The following CYSLTR2 variants were observed in gnomAD, a reference collection of about 807,000 sequenced individuals.
CYSLTR2 encodes cysteinyl leukotriene receptor 2.
For missense variants in CYSLTR2, 398 were observed against 411.9 expected (o/e 0.97, Z 0.29); for synonymous variants, 179 against 160.8 (o/e 1.11, Z -0.86).
intron 1 of CYSLTR2, among the ~76,000 whole-genome samples, chr13:48,671,220 G>A (rs894428819): frequency 2.0e-5 from 3 of 152,112 alleles, no homozygotes; most frequent in East Asian, 1.9e-4. Flanking sequence ...TGTCATCTGC[G>A]AACAGAAACA....
chr13:48,668,715 G>C (rs1953334969), intron 1 of CYSLTR2, among the ~76,000 whole-genome samples: 1 of 151,882 alleles, frequency 6.6e-6, no homozygotes, highest in South Asian at 2.1e-4. Context: ...CCATCAACCT[G>C]TCATCTACAT....
At chr13:48,684,007 C>T (rs1953829864) in intron 1 of CYSLTR2, among the ~76,000 whole-genome samples, 2 of 152,212 alleles carry the variant, frequency 1.3e-5, no homozygotes, top group Non-Finnish European at 2.9e-5. Flanking sequence ...CCACCTCAAA[C>T]TCCTGGGCTC....
At chr13:48,702,112 G>A (rs1954365120) in intron 4 of CYSLTR2, among the ~76,000 whole-genome samples, 1 of 152,038 alleles carries the variant, frequency 6.6e-6, no homozygotes, top group Admixed American at 6.5e-5. Context: ...TCCTTTGTAG[G>A]GACATGAATG....
At chr13:48,679,699 T>C (rs910750063) in intron 1 of CYSLTR2, among the ~76,000 whole-genome samples, 4 of 152,172 alleles carry the variant, frequency 2.6e-5, no homozygotes, top group Admixed American at 2.6e-4. Context: ...GCAGTACAAC[T>C]CACTGTTGCT....
chr13:48,704,057 A>G (rs1473166373), intron 4 of CYSLTR2, among the ~76,000 whole-genome samples: 3 of 152,304 alleles, frequency 2.0e-5, no homozygotes, highest in African/African-American at 7.2e-5. Context: ...TGCCTCAGGT[A>G]TCTATCGATA....
intron 4 of CYSLTR2, among the ~76,000 whole-genome samples, chr13:48,699,491 A>G (rs933567848): frequency 1.3e-5 from 2 of 152,228 alleles, no homozygotes; most frequent in African/African-American, 4.8e-5. Flanking sequence ...GACACAACAC[A>G]CCAGAATCTC....
intron 1 of CYSLTR2, among the ~76,000 whole-genome samples, chr13:48,683,260 G>A (rs1219580383): frequency 6.6e-6 from 1 of 152,184 alleles, no homozygotes; most frequent in Non-Finnish European, 1.5e-5. Context: ...TGGAATTGCT[G>A]GGTCAAATGG....
intron 4 of CYSLTR2, among the ~76,000 whole-genome samples, chr13:48,698,845 A>G (rs1169061268): frequency 2.0e-5 from 3 of 152,124 alleles, no homozygotes; most frequent in African/African-American, 7.2e-5. Flanking sequence ...AGCAAATGGA[A>G]AACAAAAAAA....
chr13:48,705,548 G>A (rs1477230811), intron 4 of CYSLTR2, among the ~76,000 whole-genome samples: 3 of 149,848 alleles, frequency 2.0e-5, no homozygotes, highest in Non-Finnish European at 4.4e-5. Context: ...ATGTTTTTGA[G>A]TGTATCCCTT....
At chr13:48,683,014 A>T (rs1278059526) in intron 1 of CYSLTR2, among the ~76,000 whole-genome samples, 1 of 152,174 alleles carries the variant, frequency 6.6e-6, no homozygotes, top group Non-Finnish European at 1.5e-5. Context: ...TTTGCTAAGG[A>T]TAATGGCCCC....
chr13:48,661,745 G>A (rs1339563895), intron 1 of CYSLTR2, among the ~76,000 whole-genome samples: 2 of 152,152 alleles, frequency 1.3e-5, no homozygotes, highest in Non-Finnish European at 2.9e-5. Flanking sequence ...AATAATAATT[G>A]CATATTCATG....
At chr13:48,673,669 T>A (rs1445063586) in intron 1 of CYSLTR2, among the ~76,000 whole-genome samples, 1 of 152,152 alleles carries the variant, frequency 6.6e-6, no homozygotes, top group Non-Finnish European at 1.5e-5. Context: ...GTTATTATGA[T>A]GCCAGCTGGT....
chr13:48,666,207 T>G (rs1210821661), intron 1 of CYSLTR2, among the ~76,000 whole-genome samples: 1 of 152,146 alleles, frequency 6.6e-6, no homozygotes, highest in Non-Finnish European at 1.5e-5. Context: ...TCTTTTGGTA[T>G]GTTGAATTTA....
At chr13:48,670,123 T>C (rs541939796) in intron 1 of CYSLTR2, among the ~76,000 whole-genome samples, 2 of 152,252 alleles carry the variant, frequency 1.3e-5, no homozygotes, top group African/African-American at 4.8e-5. Flanking sequence ...TTTGATGGGG[T>C]TTTTTGTTTT....
chr13:48,681,767 G>A (rs1002045614), intron 1 of CYSLTR2, among the ~76,000 whole-genome samples: 2 of 152,144 alleles, frequency 1.3e-5, no homozygotes, highest in African/African-American at 4.8e-5. Flanking sequence ...TGCCTCTCTC[G>A]AGCTGCCCTC....
chr13:48,669,424 C>T (rs1378961151), intron 1 of CYSLTR2, among the ~76,000 whole-genome samples: 1 of 152,118 alleles, frequency 6.6e-6, no homozygotes, highest in Admixed American at 6.5e-5. Context: ...CTATCCCTCC[C>T]CTAGCCTCCC....
intron 1 of CYSLTR2, among the ~76,000 whole-genome samples, chr13:48,676,480 A>C (rs1326078676): frequency 2.0e-5 from 3 of 152,264 alleles, no homozygotes; most frequent in Non-Finnish European, 4.4e-5. Context: ...CAGCTAACAA[A>C]GTCTGAGGTT....
At chr13:48,684,285 T>A (rs970725930) in intron 1 of CYSLTR2, among the ~76,000 whole-genome samples, 1 of 151,848 alleles carries the variant, frequency 6.6e-6, no homozygotes, top group African/African-American at 2.4e-5. Flanking sequence ...AGGCTTTGAG[T>A]AAAGGAGTGG....
At chr13:48,672,823 A>G (rs1394041250) in intron 1 of CYSLTR2, among the ~76,000 whole-genome samples, 1 of 151,926 alleles carries the variant, frequency 6.6e-6, no homozygotes, top group South Asian at 2.1e-4. Context: ...TCACTGTGTT[A>G]GCCAGGATGG....
Sources: gnomAD v4.1 joint callset for allele counts (sites outside exome capture counted in the v4.1 genomes callset) on GRCh38, gnomAD v4.1.1 for gene constraint, MANE v1.5 for transcripts, NCBI Gene and HGNC (gene_info 2026-07-23, HGNC 2026-07-21) for gene names.